SERPINE3: variants seen among roughly 807,000 people sequenced by gnomAD.
SERPINE3 encodes serpin family E member 3.
A neutral mutation model predicts 41.7 loss-of-function variants in SERPINE3; 43 were observed. That is an observed-to-expected ratio of 1.03 (90% confidence interval 0.81 to 1.33). The LOEUF (loss-of-function observed/expected upper bound fraction) is 1.33. Ranked by LOEUF, SERPINE3 falls within the 40% of genes most tolerant of loss-of-function variation. The pLI, the probability that SERPINE3 is intolerant of heterozygous loss-of-function variation, is 0.00. For missense variants in SERPINE3, 440 were observed against 491.7 expected (o/e 0.89, Z 0.99); for synonymous variants, 200 against 192.2 (o/e 1.04, Z -0.34).
chr13:51,344,761 C>T (rs925946573), intron 4 of SERPINE3, among the ~76,000 whole-genome samples: 1 of 152,142 alleles, frequency 6.6e-6, no homozygotes, highest in Non-Finnish European at 1.5e-5. Flanking sequence ...TTGTGCTCTT[C>T]AGAGCCTCCC....
chr13:51,362,486 C>A (rs1464312949), intron 9 of SERPINE3: 1 of 152,634 alleles, frequency 6.6e-6, no homozygotes, highest in Non-Finnish European at 1.5e-5. Context: ...TAGGCTTCGA[C>A]AATATTGAAC....
intron 7 of SERPINE3, among the ~76,000 whole-genome samples, chr13:51,355,495 C>G (rs1955467774): frequency 1.3e-5 from 2 of 152,138 alleles, no homozygotes; most frequent in South Asian, 4.1e-4. Flanking sequence ...GCTGTCCCAT[C>G]AGCTTCAGTC....
Position 51,364,505 on chromosome 13 carries a change from C to T in SERPINE3, c.*223C>T, listed in dbSNP as rs1955647732. 4.5e-6 allele frequency: 2 copies of T among 439,852 alleles called. No individual in the cohort carries two copies. Among genetic ancestry groups the T allele is most frequent in the Non-Finnish European group, 8.0e-6 (2 of 248,668 alleles). 27.2% of individuals were successfully genotyped at this position (439,852 alleles called of 1,614,324 possible). A position where few individuals can be genotyped will look rare whatever the true frequency, so the allele number is the denominator to read the frequency against. ...TTGACCTTCTTTTCTACTGCTTACC[C>T]CCCAAACCACTAAAAGGCACAGCAG... On this transcript the variant is annotated 3_prime_UTR_variant, in exon 10 of 10. Coordinates refer to ENST00000681248, the MANE Select transcript of SERPINE3 (RefSeq NM_001386375.1).
chr13:51,363,444 T>C (rs1253312645), intron 9 of SERPINE3: 1 of 151,742 alleles, frequency 6.6e-6, no homozygotes, highest in Non-Finnish European at 1.5e-5. Context: ...TATTTCCAAC[T>C]GACAAATCTT....
chr13:51,344,738 C>G (rs1260770088), intron 4 of SERPINE3, among the ~76,000 whole-genome samples: 4 of 152,128 alleles, frequency 2.6e-5, no homozygotes, highest in Non-Finnish European at 5.9e-5. Context: ...CAAGAGCACA[C>G]AAGAACACAG....
intron 8 of SERPINE3, 101 bp from the exon 9 acceptor site, chr13:51,361,709 G>A (rs1181986718): frequency 2.9e-6 from 3 of 1,028,072 alleles, no homozygotes; most frequent in Admixed American, 6.0e-5. Context: ...ATGCCATTAG[G>A]ATGCTTTGAT....
intron 6 of SERPINE3, among the ~76,000 whole-genome samples, chr13:51,350,375 G>T (rs1955392749): frequency 6.6e-6 from 1 of 152,098 alleles, no homozygotes; most frequent in African/African-American, 2.4e-5. Context: ...TGTGTTAAGG[G>T]TTGTTTATAA....
At chr13:51,350,381 T>C (rs1201442167) in intron 6 of SERPINE3, among the ~76,000 whole-genome samples, 8 of 152,198 alleles carry the variant, frequency 5.3e-5, no homozygotes, top group African/African-American at 1.9e-4. Context: ...AAGGGTTGTT[T>C]ATAACCACAA....
rs201952762 is a variant in SERPINE3, at chr13:51,360,306, G to A, written c.1001-972G>A. On this transcript the variant is annotated intron_variant, in intron 7 of 9. Transcript: ENST00000681248. ...GACTAGCATACACTTTCTGAAAGGC[G>A]GCAGTGTTTGAATGGAGGAGAGGGG... Among the ~76,000 whole-genome samples, 13 of 151,990 alleles carry A rather than the reference G, an allele frequency of 8.6e-5. No individual in the cohort carries two copies. The East Asian group carries it at 9.6e-4, about 11-fold the overall frequency.
rs572734005 is a variant in SERPINE3, at chr13:51,343,058, G to A, written c.257-1194G>A. 2.6e-5 allele frequency among the ~76,000 whole-genome samples: 4 copies of A among 152,074 alleles called. 1 individual carries two copies. The South Asian group carries it at 6.2e-4, about 24-fold the overall frequency. On this transcript the variant is annotated intron_variant, in intron 3 of 9. Transcript: ENST00000681248. ...TGGCCAGGGTGGACTCTGGGTTCCC[G>A]TGCCTCCAGAGAACATTAGCCAGGA...
intron 8 of SERPINE3, 21 bp downstream of exon 8, chr13:51,361,385 G>C (rs370404675): frequency 7.0e-7 from 1 of 1,438,700 alleles, no homozygotes. Context: ...AGAATACCCA[G>C]TCACACTGCT....
intron 7 of SERPINE3, among the ~76,000 whole-genome samples, chr13:51,360,481 C>A (rs1955555885): frequency 6.6e-6 from 1 of 152,010 alleles, no homozygotes; most frequent in Non-Finnish European, 1.5e-5. Flanking sequence ...TCATTTTTTA[C>A]TGTGTCATCA....
At chr13:51,351,989 T>C (rs1455552049) in intron 6 of SERPINE3, among the ~76,000 whole-genome samples, 1 of 152,152 alleles carries the variant, frequency 6.6e-6, no homozygotes, top group African/African-American at 2.4e-5. Flanking sequence ...TTCTATCCTA[T>C]AGGCATAGAT....
intron 6 of SERPINE3, among the ~76,000 whole-genome samples, chr13:51,354,790 A>G (rs973828344): frequency 6.6e-6 from 1 of 152,274 alleles, no homozygotes; most frequent in African/African-American, 2.4e-5. Context: ...TGAAAAATGG[A>G]TAATAACTAA....
chr13:51,360,414 C>G (rs1255550768), intron 7 of SERPINE3, among the ~76,000 whole-genome samples: 15 of 152,100 alleles, frequency 9.9e-5, no homozygotes, highest in Non-Finnish European at 1.5e-5. Context: ...ACAGCTCACT[C>G]TAAAATGAAA....
Position 51,341,325 on chromosome 13 carries a change from T to G in SERPINE3, c.234T>G (p.Asp78Glu). 6.2e-7 allele frequency: 1 copy of G among 1,605,140 alleles called. No homozygotes were observed. The highest frequency in any genetic ancestry group is 8.5e-7 in the Non-Finnish European group (1 of 1,175,108). Residue 78 changes from aspartate to glutamate, a missense_variant, in exon 3 of 10, where the codon GAT becomes GAG. By Grantham distance (45) the Asp-to-Glu change is conservative. Coordinates refer to ENST00000681248, the MANE Select transcript of SERPINE3 (RefSeq NM_001386375.1). Reference sequence around the variant, plus strand: ...GGAGCACTGGTCAGCAGCTGGCAGATGCCCTGGGGTACACTGTCCATGGTA... The same window carrying G: ...GGAGCACTGGTCAGCAGCTGGCAGAGGCCCTGGGGTACACTGTCCATGGTA... ...AEGSTGQQLA[D>E]ALGYTVHDKR...
chr13:51,356,223 G>A (rs1955479537), intron 7 of SERPINE3, among the ~76,000 whole-genome samples: 1 of 152,064 alleles, frequency 6.6e-6, no homozygotes, highest in African/African-American at 2.4e-5. Flanking sequence ...TGTCCACAAC[G>A]ATGCTTGGCA....
At chr13:51,359,777 T>C (rs894741367) in intron 7 of SERPINE3, among the ~76,000 whole-genome samples, 1 of 152,148 alleles carries the variant, frequency 6.6e-6, no homozygotes, top group African/African-American at 2.4e-5. Context: ...CAAATAACCA[T>C]TCTTTAACCC....
chr13:51,344,586 C>A, intron 4 of SERPINE3, 101 bp downstream of exon 4: 1 of 874,818 alleles, frequency 1.1e-6, no homozygotes, highest in South Asian at 1.5e-5. Flanking sequence ...AGGCCACCTT[C>A]AATTACAGCA....
Sources: gnomAD v4.1 joint callset for allele counts (sites outside exome capture counted in the v4.1 genomes callset) on GRCh38, gnomAD v4.1.1 for gene constraint, MANE v1.5 for transcripts, NCBI Gene and HGNC (gene_info 2026-07-23, HGNC 2026-07-21) for gene names.